The following KLF8 variants were observed in gnomAD, a reference collection of about 807,000 sequenced individuals.
The protein encoded by KLF8 is KLF transcription factor 8.
KLF8 carries 10 observed loss-of-function variants against 18.2 expected under a neutral mutation model. The ratio of observed to expected loss-of-function variants is 0.55; its 90% CI spans 0.34 to 0.93. The LOEUF (loss-of-function observed/expected upper bound fraction) is 0.93, where lower values mean the gene tolerates loss of function less well. Ranked by LOEUF, KLF8 falls within the 40% of genes least tolerant of loss-of-function variation. KLF8 has a pLI of 0.02. For missense variants in KLF8, 264 were observed against 277.9 expected (o/e 0.95, Z 0.36); for synonymous variants, 109 against 97.3 (o/e 1.12, Z -0.71).
At chrX:56,225,397 A>C in the KLF8 span, among the ~76,000 whole-genome samples, 3 of 110,914 alleles carry the variant, frequency 2.7e-5, no homozygotes, top group East Asian at 8.5e-4. Context: ...TTTTTCTCTG[A>C]TCAACCAACT....
chrX:56,218,011 G>T, the KLF8 span, among the ~76,000 whole-genome samples: 1 of 110,385 alleles, frequency 9.1e-6, no homozygotes, highest in African/African-American at 3.3e-5. Context: ...TCAGAGATGC[G>T]ACTACTGAGC....
At chrX:56,177,560 T>C in the KLF8 span, among the ~76,000 whole-genome samples, 1 of 111,336 alleles carries the variant, frequency 9.0e-6, no homozygotes, top group African/African-American at 3.3e-5. Context: ...GGGACCTACT[T>C]GATGAGGCAG....
At chrX:55,955,569 A>G in the KLF8 span, among the ~76,000 whole-genome samples, 1 of 111,602 alleles carries the variant, frequency 9.0e-6, no homozygotes. Flanking sequence ...TGGGGTATAA[A>G]TTGAGCAAAC....
chrX:55,938,717 T>C, the KLF8 span, among the ~76,000 whole-genome samples: 2 of 110,204 alleles, frequency 1.8e-5, no homozygotes, highest in African/African-American at 3.3e-5. Context: ...AAGACAGGGG[T>C]TGCAATCCTA....
the KLF8 span, among the ~76,000 whole-genome samples, chrX:56,019,022 C>T: frequency 8.9e-6 from 1 of 111,836 alleles, no homozygotes; most frequent in Non-Finnish European, 1.9e-5. Flanking sequence ...GGATTTTAGG[C>T]TCTGACAGCC....
Position 56,289,601 on chromosome X carries a change from C to T in KLF8, c.*5107C>T, listed in dbSNP as rs868676610. 3.0e-4 allele frequency among the ~76,000 whole-genome samples: 33 copies of T among 111,617 alleles called. No homozygotes were observed. Among genetic ancestry groups the T allele is most frequent in the African/African-American group, 9.4e-4 (29 of 30,770 alleles). ...TGTTTTCAACTCTAACCTGTTACCA[C>T]GTGAATCATTCTAGCTTCTTCCTGT... is the stretch of plus-strand genomic sequence containing the variant. On this transcript the variant is annotated 3_prime_UTR_variant, in exon 6 of 6. Transcript: ENST00000468660.
chrX:56,049,107 C>T, the KLF8 span, among the ~76,000 whole-genome samples: 1 of 111,719 alleles, frequency 9.0e-6, no homozygotes, highest in African/African-American at 3.3e-5. Context: ...GATTTTTGCA[C>T]ATTGATTTTG....
chrX:56,126,942 G>A, the KLF8 span, among the ~76,000 whole-genome samples: 2 of 107,947 alleles, frequency 1.9e-5, no homozygotes, highest in East Asian at 2.9e-4. Flanking sequence ...CAGTAGAGAC[G>A]GGGTTTCACC....
the KLF8 span, among the ~76,000 whole-genome samples, chrX:56,121,687 A>G: frequency 1.6e-4 from 18 of 112,606 alleles, no homozygotes; most frequent in Admixed American, 1.6e-3. Context: ...AATAAAGGCT[A>G]CTTGCCACAG....
At chrX:55,988,634 A>G in the KLF8 span, among the ~76,000 whole-genome samples, 6 of 111,165 alleles carry the variant, frequency 5.4e-5, no homozygotes, top group Non-Finnish European at 7.5e-5. Flanking sequence ...GTCAGGTAGC[A>G]TGATGCCTCC....
the KLF8 span, among the ~76,000 whole-genome samples, chrX:56,211,560 G>A: frequency 1.8e-5 from 2 of 112,129 alleles, no homozygotes; most frequent in Non-Finnish European, 3.8e-5. Flanking sequence ...CAAGGCCCTA[G>A]GGCTCTACAG....
At chrX:55,911,619 G>T in the KLF8 span, among the ~76,000 whole-genome samples, 1 of 111,470 alleles carries the variant, frequency 9.0e-6, no homozygotes, top group Non-Finnish European at 1.9e-5. Context: ...TAGCCTCAGG[G>T]AACTCAGAAG....
In KLF8 at chrX:56,269,377, G is replaced by T; in HGVS notation, c.647-1G>T. On this transcript the variant is annotated splice_acceptor_variant, in intron 3 of 5. Transcript: ENST00000468660. LOFTEE classifies it high-confidence loss of function. ...ACACTGCTCCCTTTCTTTGCTTTTA[G>T]TGAAAGTTGACCCCACCTCCATGTC... 8.3e-7 allele frequency: 1 copy of T among 1,202,952 alleles called. No individual in the cohort carries two copies. The highest frequency in any genetic ancestry group is 1.8e-5 in the South Asian group (1 of 54,505).
At chrX:56,229,751 C>T (rs911376330), upstream of KLF8, among the ~76,000 whole-genome samples, 3 of 111,728 alleles carry the variant, frequency 2.7e-5, no homozygotes, top group Non-Finnish European at 3.8e-5. Context: ...AGGCTGTGTG[C>T]GTACAGTGAA....
the KLF8 span, among the ~76,000 whole-genome samples, chrX:56,001,725 T>A: frequency 8.9e-6 from 1 of 111,871 alleles, no homozygotes; most frequent in Admixed American, 9.5e-5. Context: ...AAAACTTCCC[T>A]TGTAAAAGTC....
At chrX:56,225,148 A>G in the KLF8 span, among the ~76,000 whole-genome samples, 2 of 111,875 alleles carry the variant, frequency 1.8e-5, no homozygotes, top group Non-Finnish European at 3.8e-5. Flanking sequence ...CTAGCAGTGC[A>G]TCAATCATAT....
At chrX:56,096,935 C>G in the KLF8 span, among the ~76,000 whole-genome samples, 2 of 111,233 alleles carry the variant, frequency 1.8e-5, no homozygotes, top group Non-Finnish European at 3.8e-5. Context: ...GTGAACAACT[C>G]TATGCCTATA....
chrX:55,912,057 G>T, the KLF8 span, among the ~76,000 whole-genome samples: 1 of 111,841 alleles, frequency 8.9e-6, no homozygotes, highest in Non-Finnish European at 1.9e-5. Flanking sequence ...TAAAGGTTGA[G>T]AACCACTTGC....
chrX:56,084,762 C>G, the KLF8 span, among the ~76,000 whole-genome samples: 2 of 111,763 alleles, frequency 1.8e-5, no homozygotes, highest in Non-Finnish European at 1.9e-5. Flanking sequence ...AATATTGTGC[C>G]AGTTAGAGAG....
Sources: allele counts gnomAD v4.1 joint callset (sites outside exome capture counted in the v4.1 genomes callset), GRCh38; gene constraint gnomAD v4.1.1; transcripts MANE v1.5; gene names NCBI Gene and HGNC (gene_info 2026-07-23, HGNC 2026-07-21).